SGIP1: variants seen among roughly 807,000 people sequenced by gnomAD.
SGIP1 encodes SH3-containing GRB2-like protein 3-interacting protein 1.
Under a neutral mutation model 107.5 loss-of-function variants are expected in SGIP1, and 38 were observed. That is an observed-to-expected ratio of 0.35 (90% CI 0.27 to 0.46). The LOEUF (loss-of-function observed/expected upper bound fraction) is 0.46, where lower values mean the gene tolerates loss of function less well. SGIP1 is among the 20% of genes least tolerant of loss of function. The pLI, the probability that SGIP1 is intolerant of heterozygous loss-of-function variation, is 1.00. For missense variants in SGIP1, 929 were observed against 1,019.5 expected, an observed-to-expected ratio of 0.91 and a Z score of 1.21; for synonymous variants, 365 against 366.1, an observed-to-expected ratio of 1.00 and a Z score of 0.03.
chr1:66,700,435 C>T (rs964321412), intron 18 of SGIP1, among the ~76,000 whole-genome samples: 4 of 151,736 alleles, frequency 2.6e-5, no homozygotes, highest in African/African-American at 9.7e-5. Context: ...AGGTCACTAC[C>T]TCACCCTACT....
At chr1:66,683,226 G>T (rs2087220774) in intron 15 of SGIP1, among the ~76,000 whole-genome samples, 1 of 152,036 alleles carries the variant, frequency 6.6e-6, no homozygotes, top group Admixed American at 6.6e-5. Flanking sequence ...TTCCACTGTT[G>T]CCCAAATTTG....
chr1:66,698,595 G>A (rs1408840893), intron 18 of SGIP1, among the ~76,000 whole-genome samples: 4 of 152,004 alleles, frequency 2.6e-5, no homozygotes, highest in African/African-American at 4.8e-5. Flanking sequence ...AGCCAGGATG[G>A]TCTCGATCTC....
intron 1 of SGIP1, 137 bp downstream of exon 1, chr1:66,534,505 T>C: frequency 1.1e-6 from 1 of 948,768 alleles, no homozygotes; most frequent in Non-Finnish European, 1.7e-6. Flanking sequence ...ATGCTGCAGT[T>C]TGCTTGCAGT....
chr1:66,546,213 C>G (rs1057184467), intron 1 of SGIP1, among the ~76,000 whole-genome samples: 1 of 152,198 alleles, frequency 6.6e-6, no homozygotes, highest in South Asian at 2.1e-4. Flanking sequence ...TTCCTCTGCT[C>G]TTCCCAAAGC....
intron 2 of SGIP1, among the ~76,000 whole-genome samples, chr1:66,631,700 TCTCTCTCTCTCTCTCTCTC>T (rs2074775278): frequency 2.6e-5 from 1 of 37,862 alleles, no homozygotes; most frequent in African/African-American, 1.8e-4. Flanking sequence ...TCTCTCTCTC[TCTCTCTCTCTCTCTCTCTC>T]TCTCTCTCTT....
At chr1:66,546,795 A>G (rs748992072) in intron 1 of SGIP1, among the ~76,000 whole-genome samples, 1 of 152,198 alleles carries the variant, frequency 6.6e-6, no homozygotes, top group Non-Finnish European at 1.5e-5. Flanking sequence ...AAAAATTCTA[A>G]TATCTCCTGG....
Position 66,690,314 on chromosome 1 carries a change from T to C in SGIP1, c.1568T>C (p.Val523Ala), listed in dbSNP as rs940737770. The C allele has an allele frequency of 6.2e-7, 1 of 1,613,934 alleles. No individual in the cohort carries two copies. The highest frequency in any genetic ancestry group is 8.5e-7 in the Non-Finnish European group (1 of 1,179,994). ...TTGAGCGCAGCCACCACTCCCACAG[T>C]TGGTAAAAATTCTCTCCTCTCTTTT... is the stretch of plus-strand genomic sequence containing the variant. ...NSLSAATTPTVENEQPSLVWF... is the reference protein window; with the variant it reads ...NSLSAATTPTAENEQPSLVWF... The change falls in exon 17 of 25, where the codon GTT becomes GCT. Residue 523 changes from valine to alanine, a missense_variant and splice_region_variant. Coordinates refer to ENST00000371037, the MANE Select transcript of SGIP1 (RefSeq NM_032291.4).
chr1:66,654,424 T>C (rs917717348), intron 7 of SGIP1, among the ~76,000 whole-genome samples: 1 of 152,192 alleles, frequency 6.6e-6, no homozygotes, highest in Non-Finnish European at 1.5e-5. Context: ...CATTTAGTTG[T>C]CTTCAACCTT....
chr1:66,552,043 G>A (rs1397344632), intron 1 of SGIP1, among the ~76,000 whole-genome samples: 1 of 152,088 alleles, frequency 6.6e-6, no homozygotes, highest in Non-Finnish European at 1.5e-5. Flanking sequence ...AAGAAACTGA[G>A]GCTCAAGATC....
At chr1:66,739,836 G>A (rs113772601) in intron 22 of SGIP1, among the ~76,000 whole-genome samples, 4 of 152,288 alleles carry the variant, frequency 2.6e-5, no homozygotes, top group South Asian at 2.1e-4. Context: ...GAAGGCTACC[G>A]GTAGAACCAT....
At chr1:66,563,707 C>G (rs887441190) in intron 1 of SGIP1, among the ~76,000 whole-genome samples, 12 of 152,102 alleles carry the variant, frequency 7.9e-5, no homozygotes, top group African/African-American at 2.4e-4. Flanking sequence ...CCCCCACCCC[C>G]CTCCACCCAA....
Position 66,682,351 on chromosome 1 carries a change from G to A in SGIP1, c.1297G>A (p.Gly433Ser), listed in dbSNP as rs1557608913. The A allele has an allele frequency of 1.9e-6, 3 of 1,611,462 alleles. No homozygotes were observed. Among genetic ancestry groups the A allele is most frequent in the Non-Finnish European group, 2.5e-6 (3 of 1,179,360 alleles). Residue 433 changes from glycine to serine, a missense_variant, in exon 15 of 25, where the codon GGT becomes AGT. Physicochemically the swap from Gly to Ser is moderately conservative, Grantham distance 56 (BLOSUM62 0). Around this residue, in one of 2 missense-constraint regions of SGIP1, gnomAD observed 588 missense variants for 588.6 expected, o/e 1.00. Transcript: ENST00000371037. Reference sequence around the variant, plus strand: ...GTCCCCCGGACCTGGCTCGGGCCCTGGTCCGGGGACCACCAGTGGTATGTC... The same window carrying A: ...GTCCCCCGGACCTGGCTCGGGCCCTAGTCCGGGGACCACCAGTGGTATGTC... ...VSSPGPGSGPGPGTTSGASSP... is the reference protein window; with the variant it reads ...VSSPGPGSGPSPGTTSGASSP...
At position 66,750,510 on chromosome 1, in the gene SGIP1, A is replaced by G. The variant is rs1468439686; in HGVS notation, c.*7415A>G. ...AGCTCTCTTTGATCTATGTAGCAAAAATACACTAAATTTCTTTTTAATCTT... is the reference window on the plus strand; with the variant it reads ...AGCTCTCTTTGATCTATGTAGCAAAGATACACTAAATTTCTTTTTAATCTT... On this transcript the variant is annotated 3_prime_UTR_variant, in exon 25 of 25. Coordinates refer to ENST00000371037, the MANE Select transcript of SGIP1 (RefSeq NM_032291.4). 6.6e-6 allele frequency among the ~76,000 whole-genome samples: 1 copy of G among 152,218 alleles called. No individual in the cohort carries two copies. The highest frequency in any genetic ancestry group is 1.5e-5 in the Non-Finnish European group (1 of 68,036).
At position 66,751,045 on chromosome 1, in the gene SGIP1, A is replaced by G. The variant is rs1258630082; in HGVS notation, c.*7950A>G. 1.3e-5 allele frequency among the ~76,000 whole-genome samples: 2 copies of G among 152,232 alleles called. No homozygotes were observed. On this transcript the variant is annotated 3_prime_UTR_variant, in exon 25 of 25. Coordinates refer to ENST00000371037, the MANE Select transcript of SGIP1 (RefSeq NM_032291.4). ...GCAACTAGGGCTCCCATTCCAGAAC[A>G]AAGTTTAATTCTATATGTAAGTTGT... is the stretch of plus-strand genomic sequence containing the variant.
intron 14 of SGIP1, 47 bp from the exon 15 acceptor site, chr1:66,681,822 C>G (rs545164454): frequency 2.4e-5 from 37 of 1,556,348 alleles, no homozygotes; most frequent in Non-Finnish European, 3.1e-5. Flanking sequence ...ACTCCCCACA[C>G]AAATAATAAG....
At chr1:66,708,151 C>T (rs1356618963) in intron 18 of SGIP1, among the ~76,000 whole-genome samples, 1 of 152,068 alleles carries the variant, frequency 6.6e-6, no homozygotes, top group Non-Finnish European at 1.5e-5. Context: ...CCCCTACTTA[C>T]TATAGAGCAA....
chr1:66,690,432 CTACTAT>C, intron 17 of SGIP1, 116 bp downstream of exon 17: 1 of 1,398,076 alleles, frequency 7.2e-7, no homozygotes, highest in South Asian at 1.3e-5. Flanking sequence ...GTGTGTTTTG[CTACTAT>C]TACCTGACTC....
intron 1 of SGIP1, among the ~76,000 whole-genome samples, chr1:66,598,164 G>A (rs1014244715): frequency 1.3e-5 from 2 of 152,010 alleles, no homozygotes; most frequent in East Asian, 3.9e-4. Context: ...ATAGTAAAGG[G>A]GTCTTTTAGT....
At chr1:66,656,031 G>A (rs915172681) in intron 7 of SGIP1, among the ~76,000 whole-genome samples, 2 of 151,536 alleles carry the variant, frequency 1.3e-5, no homozygotes, top group Admixed American at 6.6e-5. Flanking sequence ...TTTCTTTGTA[G>A]TATTTAAGGT....
Sources: gnomAD v4.1 joint callset for allele counts (sites outside exome capture counted in the v4.1 genomes callset) on GRCh38, gnomAD v4.1.1 for gene constraint, gnomAD v4.1.1 regional missense constraint, MANE v1.5 for transcripts, NCBI Gene and HGNC (gene_info 2026-07-23, HGNC 2026-07-21) for gene names.